PTK2: variants seen among roughly 807,000 people sequenced by gnomAD.
The protein encoded by PTK2 is focal adhesion kinase 1.
A neutral mutation model predicts 150.1 loss-of-function variants in PTK2; 45 were observed. That is an observed-to-expected ratio of 0.30 (90% confidence interval 0.24 to 0.38). PTK2 has a LOEUF of 0.38. Among genes scored for constraint, PTK2 ranks in the 10% least tolerant of loss-of-function variants. PTK2 has a pLI of 1.00. For missense variants in PTK2, 919 were observed against 1,307.3 expected (o/e 0.70, Z 4.58); for synonymous variants, 432 against 449.2 (o/e 0.96, Z 0.48).
At chr8:140,799,593 T>C (rs976556742) in intron 12 of PTK2, among the ~76,000 whole-genome samples, 1 of 152,188 alleles carries the variant, frequency 6.6e-6, no homozygotes, top group Admixed American at 6.5e-5. Flanking sequence ...GCTGATACAG[T>C]GTCAAGATCA....
intron 1 of PTK2, among the ~76,000 whole-genome samples, chr8:140,928,109 A>G (rs1193714510): frequency 6.6e-6 from 1 of 151,318 alleles, no homozygotes; most frequent in Non-Finnish European, 1.5e-5. Flanking sequence ...GCTACATAGT[A>G]GTTGGCCTTT....
intron 1 of PTK2, among the ~76,000 whole-genome samples, chr8:140,938,195 G>A (rs984327601): frequency 2.6e-5 from 4 of 152,102 alleles, no homozygotes; most frequent in African/African-American, 9.7e-5. Context: ...TGTTCCCTGT[G>A]CTTTCATTCT....
chr8:140,659,881 T>C (rs906769773), intron 31 of PTK2, among the ~76,000 whole-genome samples: 42 of 152,252 alleles, frequency 2.8e-4, no homozygotes, highest in African/African-American at 9.6e-4. Context: ...GGAATTTTTA[T>C]GAGCCTTTCT....
chr8:140,763,910 C>T (rs1009813775), intron 15 of PTK2, among the ~76,000 whole-genome samples: 7 of 152,118 alleles, frequency 4.6e-5, no homozygotes, highest in Middle Eastern at 3.4e-3. Flanking sequence ...CACACATTCA[C>T]ATATATACTT....
chr8:140,792,581 C>T (rs2100089108), intron 13 of PTK2, among the ~76,000 whole-genome samples: 1 of 152,186 alleles, frequency 6.6e-6, no homozygotes, highest in Non-Finnish European at 1.5e-5. Flanking sequence ...ACTTGGGTAG[C>T]CCAGATAGCT....
At chr8:140,890,679 G>A in exon 3 of PTK2, 1 of 1,614,120 alleles carries the variant, frequency 6.2e-7, no homozygotes, top group East Asian at 2.2e-5. Flanking sequence ...ACCCAGGTGA[G>A]TCTTAGTACT....
intron 1 of PTK2, among the ~76,000 whole-genome samples, chr8:140,989,572 T>C (rs1319613857): frequency 1.3e-5 from 2 of 150,992 alleles, no homozygotes; most frequent in African/African-American, 2.4e-5. Flanking sequence ...TACAGGCACT[T>C]GGCAAAACAG....
At chr8:140,812,506 A>G (rs767912307) in intron 10 of PTK2, among the ~76,000 whole-genome samples, 8 of 152,222 alleles carry the variant, frequency 5.3e-5, no homozygotes, top group Non-Finnish European at 1.2e-4. Flanking sequence ...ACAAGCTAAC[A>G]CCATGATGGC....
At chr8:140,878,982 C>T (rs1242216565) in intron 4 of PTK2, among the ~76,000 whole-genome samples, 1 of 152,042 alleles carries the variant, frequency 6.6e-6, no homozygotes, top group Non-Finnish European at 1.5e-5. Flanking sequence ...CTAATTTTAA[C>T]GTTGCATGTG....
At chr8:140,975,235 T>A (rs1479653476) in intron 1 of PTK2, among the ~76,000 whole-genome samples, 1 of 152,176 alleles carries the variant, frequency 6.6e-6, no homozygotes, top group East Asian at 1.9e-4. Flanking sequence ...CTAATGTGGA[T>A]TACTACCTTC....
intron 10 of PTK2, among the ~76,000 whole-genome samples, chr8:140,804,071 G>A (rs1341221019): frequency 6.6e-6 from 1 of 152,128 alleles, no homozygotes; most frequent in East Asian, 1.9e-4. Context: ...TAATCCCCAT[G>A]CACCCTGGGC....
intron 12 of PTK2, among the ~76,000 whole-genome samples, chr8:140,794,856 C>T (rs1426623787): frequency 6.6e-6 from 1 of 152,176 alleles, no homozygotes; most frequent in African/African-American, 2.4e-5. Context: ...TAGCTTGGAC[C>T]TCTCCCCTGA....
intron 22 of PTK2, among the ~76,000 whole-genome samples, chr8:140,728,195 G>A (rs1238508081): frequency 3.4e-5 from 5 of 145,538 alleles, no homozygotes; most frequent in South Asian, 4.3e-4. Flanking sequence ...GTGAGACTCC[G>A]TCTCAAAAAA....
At chr8:140,697,851 T>G (rs1198662380) in intron 26 of PTK2, among the ~76,000 whole-genome samples, 1 of 98,188 alleles carries the variant, frequency 1.0e-5, no homozygotes, top group African/African-American at 3.6e-5. Context: ...TAGGGTTTAC[T>G]GTTTTTTTTT....
chr8:140,766,692 C>T (rs75861181), intron 14 of PTK2, among the ~76,000 whole-genome samples: 25 of 152,158 alleles, frequency 1.6e-4, no homozygotes, highest in African/African-American at 4.1e-4. Context: ...TAAAGGAACG[C>T]TATACCCCTA....
At chr8:140,977,292 C>G (rs1293091740) in intron 1 of PTK2, among the ~76,000 whole-genome samples, 1 of 152,046 alleles carries the variant, frequency 6.6e-6, no homozygotes, top group Non-Finnish European at 1.5e-5. Context: ...ACTCAGAAGG[C>G]TGAAGCAGGA....
chr8:140,946,827 G>A (rs1026248840), intron 1 of PTK2, among the ~76,000 whole-genome samples: 12 of 152,040 alleles, frequency 7.9e-5, no homozygotes, highest in African/African-American at 2.9e-4. Context: ...TTGGTCTACT[G>A]ATACATCTAT....
chr8:140,779,931 T>C (rs1455959935), intron 14 of PTK2, among the ~76,000 whole-genome samples: 1 of 152,122 alleles, frequency 6.6e-6, no homozygotes, highest in Non-Finnish European at 1.5e-5. Context: ...CCAGTAATCA[T>C]CCAACCTGGG....
chr8:140,661,548 A>G (rs988644055), intron 31 of PTK2, among the ~76,000 whole-genome samples: 3 of 152,242 alleles, frequency 2.0e-5, no homozygotes, highest in Non-Finnish European at 4.4e-5. Context: ...TATAAAATCA[A>G]CACAGATTTG....
Sources: gnomAD v4.1 joint callset for allele counts (sites outside exome capture counted in the v4.1 genomes callset) on GRCh38, gnomAD v4.1.1 for gene constraint, MANE v1.5 for transcripts, NCBI Gene and HGNC (gene_info 2026-07-23, HGNC 2026-07-21) for gene names.